The following GRID2 variants were observed in gnomAD, a reference collection of about 807,000 sequenced individuals.
GRID2 encodes glutamate receptor ionotropic, delta-2.
A neutral mutation model predicts 114.8 loss-of-function variants in GRID2; 33 were observed. The ratio of observed to expected loss-of-function variants is 0.29; its 90% CI spans 0.22 to 0.38. The LOEUF is 0.38. Ranked by LOEUF, GRID2 falls within the 10% of genes least tolerant of loss-of-function variation. The pLI is 1.00. For missense variants in GRID2, 1,184 were observed against 1,257.7 expected (o/e 0.94, Z 0.89); for synonymous variants, 505 against 449.9 (o/e 1.12, Z -1.55).
At chr4:92,335,040 G>A (rs1181718463) in intron 1 of GRID2, among the ~76,000 whole-genome samples, 1 of 152,134 alleles carries the variant, frequency 6.6e-6, no homozygotes, top group Admixed American at 6.6e-5. Context: ...GATACAATAG[G>A]TAGTCAATAA....
intron 1 of GRID2, among the ~76,000 whole-genome samples, chr4:92,566,778 T>G (rs958825450): frequency 1.3e-5 from 2 of 152,118 alleles, no homozygotes; most frequent in African/African-American, 4.8e-5. Context: ...GTGCAAAAGA[T>G]GATACATTTT....
At chr4:93,121,686 G>A (rs1733794583) in intron 4 of GRID2, among the ~76,000 whole-genome samples, 1 of 152,098 alleles carries the variant, frequency 6.6e-6, no homozygotes. Flanking sequence ...GTACGCATAA[G>A]GCATGTTACA....
At chr4:93,023,093 T>TTGTGTG (rs370431407) in intron 2 of GRID2, among the ~76,000 whole-genome samples, 2,453 of 143,886 alleles carry the variant, frequency 0.017, 63 homozygotes, top group African/African-American at 0.057. Context: ...CAGAGAACAT[T>TTGTGTG]TGTGTGTGTG....
At chr4:92,715,247 A>T (rs1267259394) in intron 2 of GRID2, among the ~76,000 whole-genome samples, 1 of 152,168 alleles carries the variant, frequency 6.6e-6, no homozygotes, top group Non-Finnish European at 1.5e-5. Context: ...CCATTTTCCA[A>T]CAAGTTCTTC....
At chr4:93,200,324 T>G (rs1741940731) in intron 4 of GRID2, among the ~76,000 whole-genome samples, 1 of 152,132 alleles carries the variant, frequency 6.6e-6, no homozygotes, top group South Asian at 2.1e-4. Context: ...CCCAGCACTT[T>G]GGGAGGCCGA....
chr4:93,422,917 C>A lies in GRID2; in HGVS notation c.1494C>A (p.Ser498Arg), dbSNP rs776742676. 1.9e-6 allele frequency: 3 copies of A among 1,613,638 alleles called. No homozygotes were observed. The highest frequency in any genetic ancestry group is 2.5e-6 in the Non-Finnish European group (3 of 1,179,670). Residue 498 changes from serine to arginine, a missense_variant, in exon 10 of 16, where the codon AGC becomes AGA. Coordinates refer to ENST00000282020, the MANE Select transcript of GRID2 (RefSeq NM_001510.4). ...IYVAPDHKYG[S>R]PQEDGTWNGL... is the part of the protein sequence containing the mutation. ...TAGCACCGGATCACAAATACGGAAG[C>A]CCACAAGAAGATGGGACATGGAATG...
At chr4:93,264,771 T>TTTGAATG in intron 8 of GRID2, among the ~76,000 whole-genome samples, 1 of 116,856 alleles carries the variant, frequency 8.6e-6, no homozygotes, top group African/African-American at 3.4e-5. Context: ...TATATATATA[T>TTTGAATG]ATAAATATAT....
chr4:92,328,354 T>C (rs1235322744), intron 1 of GRID2, among the ~76,000 whole-genome samples: 1 of 152,066 alleles, frequency 6.6e-6, no homozygotes, highest in African/African-American at 2.4e-5. Context: ...ATTTATGGAA[T>C]GGAACACTTT....
Position 93,548,943 on chromosome 4 carries a change from T to TA in GRID2, c.2193+33543dup, listed in dbSNP as rs534841497. ...ACCTTGATTTCTTGATTTAGAGAAG[T>TA]AAAAAAAAAAATACACATTTTTCAT... On this transcript the variant is annotated intron_variant, in intron 13 of 15. Transcript: ENST00000282020. Among the ~76,000 whole-genome samples, 154 of 146,028 alleles carry TA rather than the reference T, an allele frequency of 1.1e-3. 1 individual carries two copies. The highest frequency in any genetic ancestry group is 7.1e-3 in the East Asian group (36 of 5,044).
At chr4:92,610,281 A>G (rs1729655613) in intron 2 of GRID2, among the ~76,000 whole-genome samples, 3 of 151,790 alleles carry the variant, frequency 2.0e-5, no homozygotes, top group African/African-American at 7.2e-5. Context: ...GCAACAAGAT[A>G]GGAGGAACAT....
At chr4:92,422,385 A>C (rs939770154) in intron 1 of GRID2, among the ~76,000 whole-genome samples, 3 of 152,142 alleles carry the variant, frequency 2.0e-5, no homozygotes, top group Non-Finnish European at 2.9e-5. Flanking sequence ...TTAAGCAGAG[A>C]TGAGACAAGT....
chr4:92,407,628 C>G (rs1172405870), intron 1 of GRID2, among the ~76,000 whole-genome samples: 1 of 152,140 alleles, frequency 6.6e-6, no homozygotes, highest in Non-Finnish European at 1.5e-5. Flanking sequence ...GCTATTGTGA[C>G]TGGTGTGAGA....
intron 2 of GRID2, among the ~76,000 whole-genome samples, chr4:92,709,103 A>G (rs1735091304): frequency 1.3e-5 from 2 of 152,130 alleles, no homozygotes; most frequent in Admixed American, 6.5e-5. Flanking sequence ...TGGAGTGTCC[A>G]CTTTTACGTT....
chr4:92,989,294 A>AT lies in GRID2; in HGVS notation c.245-95701_245-95700insT, dbSNP rs1387179042. Among the ~76,000 whole-genome samples, 1,167 of 145,362 alleles carry AT rather than the reference A, an allele frequency of 8.0e-3. 10 individuals carry two copies. Among genetic ancestry groups the AT allele is most frequent in the Middle Eastern group, 0.026 (7 of 274 alleles). Reference sequence around the variant, plus strand: ...TCCATCTCAAAAAAAAAAAAAAAAAAAAAAAAAATAATAATAATAATCCCA... The same window carrying AT: ...TCCATCTCAAAAAAAAAAAAAAAAAATAAAAAAAATAATAATAATAATCCCA... On this transcript the variant is annotated intron_variant, in intron 2 of 15. Transcript: ENST00000282020.
At chr4:92,593,911 A>T (rs1283924199) in intron 2 of GRID2, among the ~76,000 whole-genome samples, 2 of 150,314 alleles carry the variant, frequency 1.3e-5, no homozygotes, top group Non-Finnish European at 3.0e-5. Context: ...GTTCTCCGTA[A>T]AAAGATAAAT....
chr4:93,172,560 C>A (rs1340421804), intron 4 of GRID2, among the ~76,000 whole-genome samples: 1 of 151,910 alleles, frequency 6.6e-6, no homozygotes, highest in Non-Finnish European at 1.5e-5. Flanking sequence ...CCATTGCACT[C>A]CAGCCTGGGC....
intron 2 of GRID2, among the ~76,000 whole-genome samples, chr4:92,891,072 A>G (rs1259723509): frequency 2.0e-5 from 3 of 152,024 alleles, no homozygotes; most frequent in Non-Finnish European, 4.4e-5. Flanking sequence ...ATAAGAACAC[A>G]TGGACACAGG....
At chr4:92,339,218 T>C (rs1488352096) in intron 1 of GRID2, among the ~76,000 whole-genome samples, 2 of 152,282 alleles carry the variant, frequency 1.3e-5, no homozygotes, top group East Asian at 1.9e-4. Context: ...CATTTATTGA[T>C]ATACAAACAT....
chr4:93,777,338 T>C (rs1224958962), downstream of GRID2, among the ~76,000 whole-genome samples: 1 of 152,210 alleles, frequency 6.6e-6, no homozygotes, highest in Non-Finnish European at 1.5e-5. Context: ...CATGTAACAT[T>C]GATGACAAAA....
Sources: allele counts gnomAD v4.1 joint callset (sites outside exome capture counted in the v4.1 genomes callset), GRCh38; gene constraint gnomAD v4.1.1; transcripts MANE v1.5; gene names NCBI Gene and HGNC (gene_info 2026-07-23, HGNC 2026-07-21).